APOLD1: variants seen among roughly 807,000 people sequenced by gnomAD.
The protein encoded by APOLD1 is apolipoprotein L domain containing 1, also known as apolipoprotein L domain-containing protein 1.
APOLD1 carries 22 observed loss-of-function variants against 15.3 expected under a neutral mutation model. The ratio of observed to expected loss-of-function variants is 1.44; its 90% CI spans 1.03 to 2.05. The LOEUF (loss-of-function observed/expected upper bound fraction) is 2.05, where lower values mean the gene tolerates loss of function less well. Among genes scored for constraint, APOLD1 ranks in the 30% most tolerant of loss-of-function variants. APOLD1 has a pLI of 0.00. For synonymous variants in APOLD1, 190 were observed against 167.4 expected (o/e 1.13, Z -1.04); for missense variants, 394 against 353.5 (o/e 1.11, Z -0.92).
At chr12:12,753,621 G>A (rs1946831777) in intron 1 of APOLD1, among the ~76,000 whole-genome samples, 1 of 152,054 alleles carries the variant, frequency 6.6e-6, no homozygotes, top group South Asian at 2.1e-4. Flanking sequence ...GCAGTGAGCT[G>A]TGGATCACAC....
upstream of APOLD1, among the ~76,000 whole-genome samples, chr12:12,783,346 C>G (rs922116261): frequency 6.6e-6 from 1 of 151,994 alleles, no homozygotes; most frequent in Non-Finnish European, 1.5e-5. Context: ...AGTTTTACTC[C>G]GTTACCCAGG....
chr12:12,732,396 A>G (rs1273684937), intron 1 of APOLD1, among the ~76,000 whole-genome samples: 1 of 152,244 alleles, frequency 6.6e-6, no homozygotes, highest in African/African-American at 2.4e-5. Context: ...TTGGCATTTA[A>G]TAAAGAGATT....
chr12:12,747,980 G>C (rs7980460), intron 1 of APOLD1, among the ~76,000 whole-genome samples: 2,874 of 152,264 alleles, frequency 0.019, 99 homozygotes, highest in African/African-American at 0.064. Context: ...CCATGGCCTG[G>C]GGAAAACTTT....
At chr12:12,727,474 T>C (rs76005740) in intron 1 of APOLD1, among the ~76,000 whole-genome samples, 1 of 152,192 alleles carries the variant, frequency 6.6e-6, no homozygotes, top group Non-Finnish European at 1.5e-5. Context: ...TGAGGCCCCA[T>C]CTTTAAAAGT....
At chr12:12,734,253 A>G (rs1468554377) in intron 1 of APOLD1, among the ~76,000 whole-genome samples, 1 of 152,164 alleles carries the variant, frequency 6.6e-6, no homozygotes, top group Admixed American at 6.6e-5. Context: ...CAAAACTCAC[A>G]TTCCTTGATC....
intron 1 of APOLD1, among the ~76,000 whole-genome samples, chr12:12,762,805 G>A (rs1946911363): frequency 6.6e-6 from 1 of 152,160 alleles, no homozygotes; most frequent in Admixed American, 6.6e-5. Flanking sequence ...TATGGCCCAT[G>A]AAGATAGAGA....
chr12:12,745,601 C>T (rs1160378198), intron 1 of APOLD1, among the ~76,000 whole-genome samples: 1 of 151,990 alleles, frequency 6.6e-6, no homozygotes, highest in African/African-American at 2.4e-5. Context: ...AGAAAGAAAC[C>T]CAAAGAATAT....
chr12:12,770,837 A>C (rs1392755762), intron 1 of APOLD1, among the ~76,000 whole-genome samples: 1 of 151,952 alleles, frequency 6.6e-6, no homozygotes, highest in East Asian at 1.9e-4. Flanking sequence ...AGAAAATTTA[A>C]GATAAAGAAA....
At chr12:12,763,841 T>A (rs1946922688) in intron 1 of APOLD1, among the ~76,000 whole-genome samples, 1 of 152,224 alleles carries the variant, frequency 6.6e-6, no homozygotes. Flanking sequence ...ACTATCTTTT[T>A]AAGTTTGTAT....
At chr12:12,729,341 A>G (rs1057069748) in intron 1 of APOLD1, among the ~76,000 whole-genome samples, 5 of 120,788 alleles carry the variant, frequency 4.1e-5, no homozygotes, top group Non-Finnish European at 8.8e-5. Context: ...GCAAGGAGAA[A>G]CCTCAAAGGA....
At chr12:12,778,296 A>C (rs552557435) in intron 1 of APOLD1, among the ~76,000 whole-genome samples, 2 of 150,460 alleles carry the variant, frequency 1.3e-5, no homozygotes, top group South Asian at 2.1e-4. Flanking sequence ...TGTGGGAGGC[A>C]TATACCTCTC....
rs116028640 is a variant in APOLD1 at position 12,761,639 on chromosome 12, A to G, written c.97-25270A>G. 4.4e-3 allele frequency among the ~76,000 whole-genome samples: 676 copies of G among 152,152 alleles called. 6 individuals are homozygous for G. Among genetic ancestry groups the G allele is most frequent in the African/African-American group, 0.015 (638 of 41,494 alleles). Reference sequence around the variant, plus strand: ...TCTAATATATAATTCAGTTGAAAATATGATAAATGTCTATCAACAAAGGAA... The same window carrying G: ...TCTAATATATAATTCAGTTGAAAATGTGATAAATGTCTATCAACAAAGGAA... On this transcript the variant is annotated intron_variant, in intron 1 of 1. Transcript: ENST00000326765.
intron 1 of APOLD1, among the ~76,000 whole-genome samples, chr12:12,758,416 A>G (rs951716855): frequency 3.3e-5 from 5 of 151,986 alleles, no homozygotes; most frequent in African/African-American, 1.2e-4. Context: ...CTGGTGGTGC[A>G]TGCCTGTAAT....
chr12:12,777,534 G>C (rs1947045671), intron 1 of APOLD1, among the ~76,000 whole-genome samples: 1 of 152,134 alleles, frequency 6.6e-6, no homozygotes, highest in South Asian at 2.1e-4. Flanking sequence ...AAAGGTTTGG[G>C]ACTAGAAGTG....
chr12:12,753,816 T>C (rs1011609039), intron 1 of APOLD1, among the ~76,000 whole-genome samples: 6 of 151,978 alleles, frequency 3.9e-5, no homozygotes, highest in African/African-American at 1.5e-4. Context: ...AATTTGTGAA[T>C]AGAAAAGATA....
In APOLD1 at chr12:12,787,988, G is replaced by A; in HGVS notation, c.*336G>A. On this transcript the variant is annotated 3_prime_UTR_variant, in exon 2 of 2. Transcript: ENST00000356591. This position sits in a 1 kb window ranked among gnomAD's most constrained non-coding sequence, Gnocchi z 4.9. ...CGGGGTCCCTGACCCTGCCCTGGTG[G>A]CTTGGCCTGAGACTGGAGAGAGTGC... 1 of 241,014 alleles carries A rather than the reference G, an allele frequency of 4.1e-6. No homozygotes were observed. Among genetic ancestry groups the A allele is most frequent in the Non-Finnish European group, 8.1e-6 (1 of 123,908 alleles). The allele number at this position is 241,014 out of a possible 1,614,324, so 14.9% of individuals were successfully genotyped here.
chr12:12,737,871 C>T (rs1409346489), intron 1 of APOLD1, among the ~76,000 whole-genome samples: 2 of 152,026 alleles, frequency 1.3e-5, no homozygotes, highest in South Asian at 2.1e-4. Context: ...TATGGAGGGT[C>T]GTTATCTAGG....
chr12:12,784,508 C>T (rs1947108936), upstream of APOLD1, among the ~76,000 whole-genome samples: 1 of 152,060 alleles, frequency 6.6e-6, no homozygotes, highest in African/African-American at 2.4e-5. Context: ...TATGGTTGTC[C>T]TTTCTGTTGC....
intron 1 of APOLD1, chr12:12,726,180 AGAG>A: frequency 1.2e-6 from 1 of 833,628 alleles, no homozygotes; most frequent in Non-Finnish European, 1.8e-6. Flanking sequence ...AAAAAAAAAA[AGAG>A]GAAATAGAGG....
Sources: gnomAD v4.1 joint callset for allele counts (sites outside exome capture counted in the v4.1 genomes callset) on GRCh38, gnomAD v4.1.1 for gene constraint, Gnocchi (gnomAD v3.1) non-coding constraint, MANE v1.5 for transcripts, NCBI Gene and HGNC (gene_info 2026-07-23, HGNC 2026-07-21) for gene names.